The following NFIC variants were observed in gnomAD, a reference collection of about 807,000 sequenced individuals.
NFIC encodes nuclear factor I C, also known as nuclear factor 1 C-type.
In NFIC, 12 loss-of-function variants were observed where a neutral mutation model predicts 54.4. The ratio of observed to expected loss-of-function variants is 0.22; its 90% confidence interval spans 0.14 to 0.36. The LOEUF (loss-of-function observed/expected upper bound fraction) is 0.36. Ranked by LOEUF, NFIC falls within the 10% of genes least tolerant of loss-of-function variation. The probability of loss-of-function intolerance (pLI) is 1.00; values close to 1 mark genes in which losing one functional copy is unlikely to be tolerated. For missense variants in NFIC, 575 were observed against 718.2 expected, an observed-to-expected ratio of 0.80 and a Z score of 2.28; for synonymous variants, 322 against 319.2, an observed-to-expected ratio of 1.01 and a Z score of -0.09.
At chr19:3,374,252 T>C (rs1243187558) in intron 1 of NFIC, among the ~76,000 whole-genome samples, 1 of 152,160 alleles carries the variant, frequency 6.6e-6, no homozygotes, top group African/African-American at 2.4e-5. Context: ...CAGCAAGGTC[T>C]TGGGTCCAGA....
At chr19:3,403,006 A>G (rs3859564) in intron 2 of NFIC, among the ~76,000 whole-genome samples, 81,501 of 151,998 alleles carry the variant, frequency 0.54, 22,040 homozygotes, top group East Asian at 0.57. Flanking sequence ...TTCCCTGACA[A>G]GCATTTATTT....
chr19:3,447,298 CAAAA>C (rs1178839836), intron 6 of NFIC, among the ~76,000 whole-genome samples: 1 of 78,064 alleles, frequency 1.3e-5, no homozygotes, highest in African/African-American at 4.6e-5. Flanking sequence ...GACTCTATCT[CAAAA>C]AAAAAAAAAA....
At chr19:3,412,562 A>G (rs897529696) in intron 2 of NFIC, among the ~76,000 whole-genome samples, 5 of 152,188 alleles carry the variant, frequency 3.3e-5, no homozygotes, top group Admixed American at 6.5e-5. Flanking sequence ...CAGCCTGTTC[A>G]TACGTTTTAA....
At chr19:3,454,319 T>G (rs1228795908) in intron 9 of NFIC, 1 of 979,842 alleles carries the variant, frequency 1.0e-6, no homozygotes, top group African/African-American at 1.7e-5. Flanking sequence ...AATCGGTTGT[T>G]ATCATTTTAA....
intron 3 of NFIC, among the ~76,000 whole-genome samples, chr19:3,428,094 C>T (rs1275303186): frequency 6.6e-6 from 1 of 151,418 alleles, no homozygotes; most frequent in African/African-American, 2.4e-5. Context: ...TGCTTGAACC[C>T]GGGAGACAGA....
Position 3,463,405 on chromosome 19 carries a change from G to C in NFIC, c.*636G>C. 1.0e-6 allele frequency: 1 copy of C among 985,616 alleles called. No individual in the cohort carries two copies. The highest frequency in any genetic ancestry group is 1.7e-5 in the African/African-American group (1 of 57,338). The allele number at this position is 985,616 out of a possible 1,614,324, so 61.1% of individuals were successfully genotyped here. On this transcript the variant is annotated 3_prime_UTR_variant, in exon 11 of 11. Coordinates refer to ENST00000443272, the MANE Select transcript of NFIC (RefSeq NM_001245002.2). ...CAGAGGCGGGCAGGGTGGGGCAGGCGAGTGGTGTCGCGGGGGTGCGTGGCG... is the reference window on the plus strand; with the variant it reads ...CAGAGGCGGGCAGGGTGGGGCAGGCCAGTGGTGTCGCGGGGGTGCGTGGCG...
At chr19:3,361,915 CAG>C (rs989353023), upstream of NFIC, among the ~76,000 whole-genome samples, 3 of 152,184 alleles carry the variant, frequency 2.0e-5, no homozygotes, top group Admixed American at 6.5e-5. Context: ...CACAACCACA[CAG>C]AGACTCACAT....
At chr19:3,368,765 T>C (rs1027226566) in intron 1 of NFIC, among the ~76,000 whole-genome samples, 2 of 152,156 alleles carry the variant, frequency 1.3e-5, no homozygotes, top group African/African-American at 2.4e-5. Context: ...GCTGGGGGAC[T>C]CAGAAGGACC....
chr19:3,385,561 T>TTGG lies in NFIC; in HGVS notation c.562+3320_562+3322dup, dbSNP rs1414659394. Among the ~76,000 whole-genome samples, 6 of 144,474 alleles carry TTGG rather than the reference T, an allele frequency of 4.2e-5. No individual in the cohort carries two copies. In the East Asian group the frequency reaches 8.2e-4, roughly 20 times the overall value. The allele number at this position is 144,474 out of a possible 152,430, so 94.8% of individuals were successfully genotyped here. A position where few individuals can be genotyped will look rare whatever the true frequency, so the allele number is the denominator to read the frequency against. ...TGGTTTGGGTTTTTTGGGGGTTTTT[T>TTGG]TGGTTGTTGTTGTTTTTTTTTTTTT... On this transcript the variant is annotated intron_variant, in intron 2 of 10. Transcript: ENST00000443272.
At chr19:3,384,139 C>T (rs1599584499) in intron 2 of NFIC, among the ~76,000 whole-genome samples, 2 of 150,932 alleles carry the variant, frequency 1.3e-5, no homozygotes, top group Non-Finnish European at 2.9e-5. Flanking sequence ...ACTGTAGCCT[C>T]GACCTCCCAG....
Position 3,464,818 on chromosome 19 carries a change from GC to G in NFIC, c.*2052del, listed in dbSNP as rs565035066. 1,917 of 627,390 alleles carry G rather than the reference GC, an allele frequency of 3.1e-3. 14 individuals carry two copies. Among genetic ancestry groups the G allele is most frequent in the Middle Eastern group, 0.026 (33 of 1,250 alleles). 38.9% of individuals were successfully genotyped at this position (627,390 alleles called of 1,614,324 possible). ...GTCCCTCCGTCCGTCTGTCCTCGGG[GC>G]CCGCTCCCCCGGTGGCCCTTGGGGA... On this transcript the variant is annotated 3_prime_UTR_variant, in exon 11 of 11. Transcript: ENST00000443272.
intron 2 of NFIC, among the ~76,000 whole-genome samples, chr19:3,400,250 C>T (rs567436272): frequency 1.3e-5 from 2 of 152,182 alleles, no homozygotes; most frequent in South Asian, 4.1e-4. Context: ...CTGAGGTGGG[C>T]GGATCATGAG....
chr19:3,403,483 C>T (rs970437788), intron 2 of NFIC, among the ~76,000 whole-genome samples: 1 of 152,178 alleles, frequency 6.6e-6, no homozygotes, highest in African/African-American at 2.4e-5. Flanking sequence ...CAGAGCAGGG[C>T]GGAGATGTGT....
At position 3,463,901 on chromosome 19, in the gene NFIC, C is replaced by T. The variant is rs2082678923; in HGVS notation, c.*1132C>T. ...TGGGACACGGAATGGCCGCGGGCCTCCTCCCCCTCCCCTCCAGCCTCTCCA... is the reference window on the plus strand; with the variant it reads ...TGGGACACGGAATGGCCGCGGGCCTTCTCCCCCTCCCCTCCAGCCTCTCCA... On this transcript the variant is annotated 3_prime_UTR_variant, in exon 11 of 11. Coordinates refer to ENST00000443272, the MANE Select transcript of NFIC (RefSeq NM_001245002.2). The T allele has an allele frequency of 1.1e-6, 1 of 938,774 alleles. No individual in the cohort carries two copies. The highest frequency in any genetic ancestry group is 1.3e-6 in the Non-Finnish European group (1 of 789,076). 58.2% of individuals were successfully genotyped at this position (938,774 alleles called of 1,614,324 possible).
chr19:3,407,198 C>T (rs1599631666), intron 2 of NFIC, among the ~76,000 whole-genome samples: 1 of 151,194 alleles, frequency 6.6e-6, no homozygotes, highest in African/African-American at 2.4e-5. Context: ...ACTGCAAGCT[C>T]TGCCTCCCGG....
At chr19:3,449,221 G>A (rs1043262074) in intron 7 of NFIC, 82 bp downstream of exon 7, 11 of 1,527,328 alleles carry the variant, frequency 7.2e-6, no homozygotes, top group Non-Finnish European at 8.8e-6. Flanking sequence ...CCCACTGGAT[G>A]TCTGACCATG....
intron 2 of NFIC, 62 bp downstream of exon 2, chr19:3,382,305 G>C: frequency 6.4e-7 from 1 of 1,557,974 alleles, no homozygotes; most frequent in Non-Finnish European, 8.6e-7. Context: ...TGGTGACACG[G>C]GGCCAGGAGG....
At chr19:3,359,782 C>CGGGGGCCGCCCGGAGGA (rs2080786178) in intron 1 of NFIC, 1 of 1,224,564 alleles carries the variant, frequency 8.2e-7, no homozygotes, top group African/African-American at 1.6e-5. Context: ...GGACAGGGGG[C>CGGGGGCCGCCCGGAGGA]GGGGGCCGCC....
intron 3 of NFIC, among the ~76,000 whole-genome samples, chr19:3,429,538 C>T (rs530164756): frequency 3.3e-5 from 5 of 152,124 alleles, no homozygotes; most frequent in Admixed American, 3.3e-4. Flanking sequence ...CTGCAGTGAG[C>T]TATGATTGCA....
Sources: gnomAD v4.1 joint callset for allele counts (sites outside exome capture counted in the v4.1 genomes callset) on GRCh38, gnomAD v4.1.1 for gene constraint, MANE v1.5 for transcripts, NCBI Gene and HGNC (gene_info 2026-07-23, HGNC 2026-07-21) for gene names.